Variants in SORBS2 observed in about 807,000 individuals in gnomAD.
The protein encoded by SORBS2 is sorbin and SH3 domain containing 2.
Under a neutral mutation model 97.7 loss-of-function variants are expected in SORBS2, and 46 were observed. The ratio of observed to expected loss-of-function variants is 0.47; its 90% CI spans 0.37 to 0.60. SORBS2 has a LOEUF of 0.60. Among genes scored for constraint, SORBS2 ranks in the 20% least tolerant of loss-of-function variants. The pLI is 0.00. For synonymous variants in SORBS2, 476 were observed against 473.4 expected, an observed-to-expected ratio of 1.01 and a Z score of -0.07; for missense variants, 1,316 against 1,282.3, an observed-to-expected ratio of 1.03 and a Z score of -0.40.
intron 1 of SORBS2, among the ~76,000 whole-genome samples, chr4:185,954,755 C>T (rs1033030914): frequency 6.6e-6 from 1 of 151,948 alleles, no homozygotes; most frequent in Non-Finnish European, 1.5e-5. Context: ...GTCAGGAGTT[C>T]GAGACAAGAC....
chr4:185,846,499 A>G (rs965891079), intron 1 of SORBS2, among the ~76,000 whole-genome samples: 7 of 152,192 alleles, frequency 4.6e-5, no homozygotes, highest in African/African-American at 1.7e-4. Flanking sequence ...ATTTTTCAAA[A>G]TTCATTTATC....
rs1453467800 is a variant in SORBS2, at chr4:185,639,048, G to C, written c.396+7620C>G. 4.6e-6 allele frequency: 7 copies of C among 1,511,680 alleles called. No individual in the cohort carries two copies. The African/African-American group carries it at 1.0e-4, about 22-fold the overall frequency. 93.6% of individuals were successfully genotyped at this position (1,511,680 alleles called of 1,614,324 possible). A position where few individuals can be genotyped will look rare whatever the true frequency, so the allele number is the denominator to read the frequency against. ...TTGGGAGAGGGGGCTGCAAGAAAGAGGGGTGCAGAAACTGGTTCATTAGAT... is the reference window on the plus strand; with the variant it reads ...TTGGGAGAGGGGGCTGCAAGAAAGACGGGTGCAGAAACTGGTTCATTAGAT... On this transcript the variant is annotated intron_variant, in intron 4 of 14. Transcript: ENST00000418609.
intron 2 of SORBS2, among the ~76,000 whole-genome samples, chr4:185,710,729 C>T (rs1031819841): frequency 4.6e-5 from 7 of 152,130 alleles, no homozygotes; most frequent in Non-Finnish European, 8.8e-5. Context: ...GTGATGGATT[C>T]GTCGTGGCTG....
At chr4:185,590,721 A>G (rs1402018916) in intron 13 of SORBS2, among the ~76,000 whole-genome samples, 2 of 152,330 alleles carry the variant, frequency 1.3e-5, no homozygotes, top group South Asian at 2.1e-4. Context: ...AAAACACCAT[A>G]CATTATAATA....
chr4:185,603,428 T>A (rs1375136328), intron 12 of SORBS2, among the ~76,000 whole-genome samples: 1 of 152,232 alleles, frequency 6.6e-6, no homozygotes, highest in Non-Finnish European at 1.5e-5. Flanking sequence ...TTAAAGTGTT[T>A]CATTTTTTAC....
At chr4:185,739,425 G>A (rs1405530837) in intron 2 of SORBS2, among the ~76,000 whole-genome samples, 1 of 152,162 alleles carries the variant, frequency 6.6e-6, no homozygotes, top group Non-Finnish European at 1.5e-5. Flanking sequence ...ACTTAACATT[G>A]GGCAACTTAA....
chr4:185,898,691 A>G (rs578235201), intron 1 of SORBS2, among the ~76,000 whole-genome samples: 1 of 152,316 alleles, frequency 6.6e-6, no homozygotes, highest in Admixed American at 6.5e-5. Context: ...TGAAGAAGTA[A>G]TAGAAATAAA....
At chr4:185,783,420 C>A (rs748001763) in intron 1 of SORBS2, among the ~76,000 whole-genome samples, 8 of 152,198 alleles carry the variant, frequency 5.3e-5, no homozygotes, top group Non-Finnish European at 1.0e-4. Context: ...CCTTGGGAAG[C>A]TAAAGTTCCT....
At chr4:185,879,548 C>T (rs575856534) in intron 1 of SORBS2, among the ~76,000 whole-genome samples, 102 of 152,284 alleles carry the variant, frequency 6.7e-4, no homozygotes, top group South Asian at 2.1e-3. Flanking sequence ...AATGGGATAG[C>T]TGGGTCAAAT....
intron 1 of SORBS2, among the ~76,000 whole-genome samples, chr4:185,912,900 T>C (rs1314423127): frequency 6.6e-6 from 1 of 152,230 alleles, no homozygotes; most frequent in African/African-American, 2.4e-5. Flanking sequence ...TGTTACATAA[T>C]AAACAGCCGG....
intron 1 of SORBS2, among the ~76,000 whole-genome samples, chr4:185,946,346 A>G (rs757022048): frequency 2.2e-4 from 34 of 152,342 alleles, no homozygotes; most frequent in Non-Finnish European, 3.7e-4. Flanking sequence ...GAACAAAAAA[A>G]TGTGAGTGTG....
intron 1 of SORBS2, among the ~76,000 whole-genome samples, chr4:185,800,397 G>A (rs891771798): frequency 1.1e-4 from 17 of 152,246 alleles, no homozygotes; most frequent in African/African-American, 2.6e-4. Flanking sequence ...AGTCAGTGCC[G>A]TTCCTGGGCG....
chr4:185,669,933 A>G (rs2097683515), intron 4 of SORBS2, among the ~76,000 whole-genome samples: 2 of 152,216 alleles, frequency 1.3e-5, no homozygotes, highest in Non-Finnish European at 2.9e-5. Flanking sequence ...GTAAACATGT[A>G]ATAGGGCAAG....
At chr4:185,924,571 G>A (rs948830836) in intron 1 of SORBS2, among the ~76,000 whole-genome samples, 23 of 152,166 alleles carry the variant, frequency 1.5e-4, no homozygotes, top group African/African-American at 5.3e-4. Flanking sequence ...TGGCAACATG[G>A]CTGCCCCACA....
chr4:185,623,688 C>A lies in SORBS2; in HGVS notation c.1441G>T (p.Val481Leu), dbSNP rs769100835. 3.7e-6 allele frequency: 6 copies of A among 1,614,028 alleles called. No homozygotes were observed. The highest frequency in any genetic ancestry group is 5.1e-6 in the Non-Finnish European group (6 of 1,180,014). Residue 481 changes from valine (V) to leucine (L), a missense_variant, in exon 7 of 15, where the codon GTG becomes TTG. By Grantham distance (32) the Val-to-Leu change is conservative (BLOSUM62 1). Transcript: ENST00000418609. This position sits in a 1 kb window ranked among gnomAD's most constrained non-coding sequence, Gnocchi z 6.4. ...CTGGTGACTTCAATGTGAATGGGCA[C>A]CAGGGCGTTAGACTGGCAGCCTCGC... is the stretch of plus-strand genomic sequence containing the variant.
At chr4:185,612,485 A>C (rs115405292) in intron 11 of SORBS2, among the ~76,000 whole-genome samples, 2,911 of 142,312 alleles carry the variant, frequency 0.02, 79 homozygotes, top group African/African-American at 0.073. Context: ...TTCTTTTTTT[A>C]TTTCTATTTT....
Position 185,723,855 on chromosome 4 carries a change from A to G in SORBS2, c.-197-45033T>C, listed in dbSNP as rs539990395. 3.9e-5 allele frequency among the ~76,000 whole-genome samples: 6 copies of G among 152,316 alleles called. No homozygotes were observed. In the South Asian group the frequency reaches 8.3e-4, roughly 21 times the overall value. On this transcript the variant is annotated intron_variant, in intron 2 of 20. Transcript: ENST00000284776. ...GGGAATAAGGAAGAGGAACCTCAGTATATTAATCCATGGGCTCCAGCCACG... is the reference window on the plus strand; with the variant it reads ...GGGAATAAGGAAGAGGAACCTCAGTGTATTAATCCATGGGCTCCAGCCACG...
intron 1 of SORBS2, among the ~76,000 whole-genome samples, chr4:185,783,876 T>G (rs2099043226): frequency 6.6e-6 from 1 of 152,202 alleles, no homozygotes; most frequent in Non-Finnish European, 1.5e-5. Context: ...ATTTTACAAT[T>G]AAGTCACTAT....
At chr4:185,690,713 C>T (rs756138962) in intron 2 of SORBS2, 102 bp from the exon 4 acceptor site, 7 of 511,326 alleles carry the variant, frequency 1.4e-5, no homozygotes, top group Non-Finnish European at 2.5e-5. Context: ...AAGTTAATAT[C>T]ACATTATCAT....
Sources: gnomAD v4.1 joint callset for allele counts (sites outside exome capture counted in the v4.1 genomes callset) on GRCh38, gnomAD v4.1.1 for gene constraint, Gnocchi (gnomAD v3.1) non-coding constraint, MANE v1.5 for transcripts, NCBI Gene and HGNC (gene_info 2026-07-23, HGNC 2026-07-21) for gene names.